IBTK: variants seen among roughly 807,000 people sequenced by gnomAD.
IBTK encodes the protein inhibitor of Bruton tyrosine kinase.
IBTK carries 83 observed loss-of-function variants against 154.9 expected under a neutral mutation model. The ratio of observed to expected loss-of-function variants is 0.54; its 90% CI spans 0.45 to 0.64. IBTK has a LOEUF of 0.64. IBTK is among the 30% of genes least tolerant of loss of function. The pLI, the probability that IBTK is intolerant of heterozygous loss-of-function variation, is 0.00. For synonymous variants in IBTK, 515 were observed against 536.1 expected (o/e 0.96, Z 0.54); for missense variants, 1,332 against 1,584.6 (o/e 0.84, Z 2.71).
intron 26 of IBTK, among the ~76,000 whole-genome samples, chr6:82,180,487 A>G (rs1036536123): frequency 4.6e-5 from 7 of 152,170 alleles, no homozygotes; most frequent in African/African-American, 1.7e-4. Context: ...CCTGGACTCA[A>G]GTGATCTGCC....
At chr6:82,229,845 T>A (rs982007901) in intron 4 of IBTK, among the ~76,000 whole-genome samples, 5 of 152,214 alleles carry the variant, frequency 3.3e-5, no homozygotes, top group African/African-American at 1.2e-4. Context: ...TAGCCACTTT[T>A]CATTCCTATA....
rs746496009 is a variant in IBTK, at chr6:82,200,718, T to TGAA, written c.2791-13_2791-11dup. 2 of 1,527,906 alleles carry TGAA rather than the reference T, an allele frequency of 1.3e-6. No individual in the cohort carries two copies. The highest frequency in any genetic ancestry group is 2.5e-5 in the South Asian group (2 of 79,424). 94.6% of individuals were successfully genotyped at this position (1,527,906 alleles called of 1,614,324 possible). A position where few individuals can be genotyped will look rare whatever the true frequency, so the allele number is the denominator to read the frequency against. Reference sequence around the variant, plus strand: ...TATCCATTGCTGGAATCTGCAGAATTGAAGATATCACTTTTCAAATACAAA... The same window carrying TGAA: ...TATCCATTGCTGGAATCTGCAGAATTGAAGAAGATATCACTTTTCAAATACAAA... On this transcript the variant is annotated splice_polypyrimidine_tract_variant and intron_variant, in intron 19 of 28. Coordinates refer to ENST00000306270, the MANE Select transcript of IBTK (RefSeq NM_015525.4).
intron 21 of IBTK, among the ~76,000 whole-genome samples, chr6:82,197,019 A>T (rs1769013494): frequency 5.3e-5 from 8 of 152,178 alleles, no homozygotes; most frequent in Admixed American, 5.2e-4. Flanking sequence ...GCTTGAAGCA[A>T]GAGGGTTGTT....
chr6:82,217,260 T>C (rs1489689733), intron 10 of IBTK, among the ~76,000 whole-genome samples: 1 of 152,144 alleles, frequency 6.6e-6, no homozygotes, highest in Non-Finnish European at 1.5e-5. Context: ...CTTCCATAAG[T>C]TGAACCTACG....
chr6:82,236,222 CT>C (rs546851582), intron 2 of IBTK, among the ~76,000 whole-genome samples: 35 of 152,098 alleles, frequency 2.3e-4, no homozygotes, highest in Non-Finnish European at 3.5e-4. Flanking sequence ...CTATCTCCCC[CT>C]AGTAGAATAA....
intron 5 of IBTK, 114 bp from the exon 6 acceptor site, chr6:82,225,761 C>T (rs1770273344): frequency 1.4e-6 from 1 of 721,276 alleles, no homozygotes; most frequent in African/African-American, 1.8e-5. Flanking sequence ...TGATACATGG[C>T]TGTATCTATC....
chr6:82,223,311 G>C, intron 8 of IBTK, 129 bp downstream of exon 8: 1 of 641,000 alleles, frequency 1.6e-6, no homozygotes, highest in East Asian at 3.2e-5. Context: ...AAAAATTCCT[G>C]ATGTTTTTCC....
intron 6 of IBTK, among the ~76,000 whole-genome samples, chr6:82,224,853 T>C (rs1271910508): frequency 6.6e-6 from 1 of 152,200 alleles, no homozygotes; most frequent in Admixed American, 6.5e-5. Flanking sequence ...TGTTTAAGTT[T>C]CAAATCCAAA....
At chr6:82,247,153 C>A (rs1771183797) in intron 1 of IBTK, among the ~76,000 whole-genome samples, 1 of 152,188 alleles carries the variant, frequency 6.6e-6, no homozygotes, top group Non-Finnish European at 1.5e-5. Context: ...GAGTCAGTAT[C>A]CCCAGGGTGG....
intron 8 of IBTK, among the ~76,000 whole-genome samples, chr6:82,221,305 TAGAG>T (rs747386983): frequency 6.6e-5 from 10 of 152,072 alleles, no homozygotes; most frequent in South Asian, 2.1e-4. Flanking sequence ...GCCTGGGTGA[TAGAG>T]AGAGACTCTG....
intron 19 of IBTK, 130 bp downstream of exon 19, chr6:82,201,292 T>C (rs1044343551): frequency 4.0e-6 from 2 of 496,622 alleles, no homozygotes; most frequent in Non-Finnish European, 7.1e-6. Flanking sequence ...AGGAATCCTA[T>C]ATCATCAGTT....
rs191414333 is a variant in IBTK at position 82,175,322 on chromosome 6, C to T, written c.3726-1884G>A. Reference sequence around the variant, plus strand: ...AAACTGATATAAGCCTTGTAGTAAGCCTGCATGATAGGTATTACTACTCTC... The same window carrying T: ...AAACTGATATAAGCCTTGTAGTAAGTCTGCATGATAGGTATTACTACTCTC... On this transcript the variant is annotated intron_variant, in intron 26 of 28. Coordinates refer to ENST00000306270, the MANE Select transcript of IBTK (RefSeq NM_015525.4). Among the ~76,000 whole-genome samples, 246 of 152,142 alleles carry T rather than the reference C, an allele frequency of 1.6e-3. 1 individual carries two copies. Among genetic ancestry groups the T allele is most frequent in the African/African-American group, 5.6e-3 (234 of 41,512 alleles).
At chr6:82,228,429 T>C (rs1770374154) in intron 4 of IBTK, among the ~76,000 whole-genome samples, 2 of 152,230 alleles carry the variant, frequency 1.3e-5, no homozygotes, top group South Asian at 2.1e-4. Flanking sequence ...CTAAAAAGTT[T>C]AAAAATAAAA....
chr6:82,229,651 T>C (rs1770428669), intron 4 of IBTK, among the ~76,000 whole-genome samples: 2 of 152,096 alleles, frequency 1.3e-5, no homozygotes, highest in Non-Finnish European at 2.9e-5. Context: ...GCTTGTACAC[T>C]TGCTGCCCCT....
intron 11 of IBTK, among the ~76,000 whole-genome samples, chr6:82,215,445 T>A (rs944576218): frequency 6.6e-6 from 1 of 152,160 alleles, no homozygotes. Flanking sequence ...GAAATATTTA[T>A]AATACATTTT....
intron 22 of IBTK, among the ~76,000 whole-genome samples, chr6:82,195,481 G>C (rs1768948341): frequency 6.6e-6 from 1 of 151,952 alleles, no homozygotes; most frequent in Admixed American, 6.6e-5. Context: ...TGCCGGCTTA[G>C]GTGGGAGAAT....
chr6:82,179,777 T>G (rs1768243131), intron 26 of IBTK, among the ~76,000 whole-genome samples: 1 of 152,122 alleles, frequency 6.6e-6, no homozygotes, highest in Non-Finnish European at 1.5e-5. Context: ...GGACAACTGA[T>G]AGAAGAAAGT....
chr6:82,191,658 C>T lies in IBTK; in HGVS notation c.3431+129G>A, dbSNP rs774995558. 5 of 725,138 alleles carry T rather than the reference C, an allele frequency of 6.9e-6. No homozygotes were observed. The East Asian group carries it at 1.3e-4, about 20-fold the overall frequency. The allele number at this position is 725,138 out of a possible 1,614,324, so 44.9% of individuals were successfully genotyped here. A position where few individuals can be genotyped will look rare whatever the true frequency, so the allele number is the denominator to read the frequency against. On this transcript the variant is annotated intron_variant, in intron 24 of 28. Coordinates refer to ENST00000306270, the MANE Select transcript of IBTK (RefSeq NM_015525.4). ...AATAATATTATGGAGGCTAAATTGC[C>T]CAGAAAAGGATGTATAATTAACTAT... is the stretch of plus-strand genomic sequence containing the variant.
intron 1 of IBTK, among the ~76,000 whole-genome samples, chr6:82,242,819 C>T (rs942714728): frequency 2.0e-5 from 3 of 151,990 alleles, no homozygotes; most frequent in Non-Finnish European, 2.9e-5. Flanking sequence ...CTCCTGTAAT[C>T]CCAGCTACTT....
Sources: allele counts gnomAD v4.1 joint callset (sites outside exome capture counted in the v4.1 genomes callset), GRCh38; gene constraint gnomAD v4.1.1; transcripts MANE v1.5; gene names NCBI Gene and HGNC (gene_info 2026-07-23, HGNC 2026-07-21).